MALRD1: variants seen among roughly 807,000 people sequenced by gnomAD.
MALRD1 encodes the protein MAM and LDL receptor class A domain containing 1.
A neutral mutation model predicts 242.1 loss-of-function variants in MALRD1; 247 were observed. The ratio of observed to expected loss-of-function variants is 1.02; its 90% CI spans 0.92 to 1.13. The LOEUF is 1.13. Among genes scored for constraint, MALRD1 ranks in the 50% most tolerant of loss-of-function variants. The pLI, the probability that MALRD1 is intolerant of heterozygous loss-of-function variation, is 0.00. For missense variants in MALRD1, 2,989 were observed against 2,533.1 expected (o/e 1.18, Z -3.86); for synonymous variants, 995 against 866.6 (o/e 1.15, Z -2.60).
intron 38 of MALRD1, chr10:19,722,619 A>AAAAAAAAAAAAAAAAAAAG (rs57292963): frequency 1.4e-5 from 2 of 144,478 alleles, no homozygotes; most frequent in Admixed American, 7.0e-5. Context: ...AAAAAAAAAA[A>AAAAAAAAAAAAAAAAAAAG]GGTGGAAAAA....
intron 18 of MALRD1, among the ~76,000 whole-genome samples, chr10:19,215,424 C>A (rs1037945118): frequency 3.9e-5 from 6 of 152,302 alleles, no homozygotes; most frequent in Non-Finnish European, 5.9e-5. Flanking sequence ...TTTTTCCTTG[C>A]AAATTGATAT....
At chr10:19,314,337 A>G (rs1202818069) in intron 21 of MALRD1, among the ~76,000 whole-genome samples, 2 of 151,578 alleles carry the variant, frequency 1.3e-5, no homozygotes, top group Non-Finnish European at 3.0e-5. Flanking sequence ...GGAATCTAAA[A>G]AGGCTTGAAA....
chr10:19,703,618 G>C (rs955818704), intron 38 of MALRD1, among the ~76,000 whole-genome samples: 3 of 152,224 alleles, frequency 2.0e-5, no homozygotes, highest in African/African-American at 7.2e-5. Flanking sequence ...AAATAGGTCT[G>C]GTGCAGTGGC....
At chr10:19,317,008 A>G (rs754464023) in intron 21 of MALRD1, among the ~76,000 whole-genome samples, 2 of 151,458 alleles carry the variant, frequency 1.3e-5, no homozygotes, top group Non-Finnish European at 2.9e-5. Context: ...GCCTGTACCA[A>G]AATATCTCAT....
rs549010244 is a variant in MALRD1, at chr10:19,348,931, A to G, written c.4149+913A>G. 7.9e-5 allele frequency among the ~76,000 whole-genome samples: 12 copies of G among 152,274 alleles called. No homozygotes were observed. The South Asian group carries it at 2.5e-3, about 32-fold the overall frequency. Reference sequence around the variant, plus strand: ...TGTTCCCCAATGTTTGACCTCCAAAAAGCAAACAAATTACATCCAGAAACT... The same window carrying G: ...TGTTCCCCAATGTTTGACCTCCAAAGAGCAAACAAATTACATCCAGAAACT... On this transcript the variant is annotated intron_variant, in intron 25 of 39. Transcript: ENST00000454679.
intron 18 of MALRD1, among the ~76,000 whole-genome samples, chr10:19,219,182 T>C (rs1454446465): frequency 3.2e-4 from 48 of 152,134 alleles, no homozygotes; most frequent in Non-Finnish European, 5.9e-5. Flanking sequence ...TAAGGTATAA[T>C]GGTCTCATGA....
chr10:19,191,543 A>G (rs937889815), intron 14 of MALRD1, among the ~76,000 whole-genome samples: 9 of 152,328 alleles, frequency 5.9e-5, no homozygotes, highest in African/African-American at 2.2e-4. Context: ...TTGCACACTC[A>G]TGTTCATAGA....
intron 19 of MALRD1, among the ~76,000 whole-genome samples, chr10:19,275,676 A>C (rs1840482391): frequency 6.6e-6 from 1 of 152,112 alleles, no homozygotes; most frequent in Non-Finnish European, 1.5e-5. Context: ...CTCAAAAAAT[A>C]AAAATAAAAA....
intron 26 of MALRD1, among the ~76,000 whole-genome samples, chr10:19,378,635 A>G (rs890736264): frequency 3.3e-5 from 5 of 152,094 alleles, no homozygotes; most frequent in East Asian, 1.9e-4. Flanking sequence ...ATGGTTATTT[A>G]TATTACTTGA....
intron 24 of MALRD1, among the ~76,000 whole-genome samples, chr10:19,337,590 A>G (rs1291779224): frequency 6.6e-6 from 1 of 152,006 alleles, no homozygotes; most frequent in African/African-American, 2.4e-5. Flanking sequence ...CCATTTTTTT[A>G]CAGAATTGTT....
At chr10:19,537,811 C>G (rs1834757356) in intron 32 of MALRD1, among the ~76,000 whole-genome samples, 2 of 152,124 alleles carry the variant, frequency 1.3e-5, no homozygotes, top group Admixed American at 6.5e-5. Flanking sequence ...CCTGTAGGCC[C>G]TACCTTCTAA....
In MALRD1 at chr10:19,563,651, T is replaced by C. The variant is rs117201991; in HGVS notation, c.5479-3851T>C. The stretch of plus-strand genomic sequence containing the variant: ...CAGTGCCAGTGACCTGCCTTCAACA[T>C]TGCAGGCACCAGGAGTGTTTGGAAA... On this transcript the variant is annotated intron_variant, in intron 32 of 39. Transcript: ENST00000454679. Among the ~76,000 whole-genome samples the C allele has an allele frequency of 3.9e-5, 6 of 152,296 alleles. No homozygotes were observed. In the East Asian group the frequency reaches 7.7e-4, roughly 20 times the overall value.
intron 2 of MALRD1, among the ~76,000 whole-genome samples, chr10:19,087,402 G>A (rs958475061): frequency 7.9e-5 from 12 of 151,936 alleles, no homozygotes; most frequent in Admixed American, 5.3e-4. Flanking sequence ...ATATCAGATG[G>A]TTTGCAAAAG....
chr10:19,655,375 C>T (rs1841093135), intron 36 of MALRD1, among the ~76,000 whole-genome samples: 1 of 151,540 alleles, frequency 6.6e-6, no homozygotes, highest in South Asian at 2.1e-4. Context: ...CCCAATTTCT[C>T]CATATGATTT....
At chr10:19,176,366 C>CCTTTTTTTTTTTTTTT (rs1484132630) in intron 14 of MALRD1, among the ~76,000 whole-genome samples, 2 of 87,296 alleles carry the variant, frequency 2.3e-5, no homozygotes, top group African/African-American at 8.7e-5. Context: ...TTTCTGGGTG[C>CCTTTTTTTTTTTTTTT]TTTTTTTTTT....
chr10:19,506,718 TAAAA>T (rs945707971), intron 31 of MALRD1, among the ~76,000 whole-genome samples: 1 of 152,048 alleles, frequency 6.6e-6, no homozygotes, highest in African/African-American at 2.4e-5. Context: ...ATGCCAGTAA[TAAAA>T]AAGAAGTCAT....
chr10:19,175,242 C>G lies in MALRD1; in HGVS notation c.1865C>G (p.Ala622Gly). The G allele has an allele frequency of 1.6e-6, 2 of 1,230,266 alleles. No individual in the cohort carries two copies. The highest frequency in any genetic ancestry group is 2.0e-6 in the Non-Finnish European group (2 of 987,058). 76.2% of individuals were successfully genotyped at this position (1,230,266 alleles called of 1,614,324 possible). A position where few individuals can be genotyped will look rare whatever the true frequency, so the allele number is the denominator to read the frequency against. The change falls in exon 14 of 40, where the codon GCT becomes GGT. Residue 622 changes from alanine to glycine, a missense_variant. Physicochemically the swap from Ala to Gly is moderately conservative, Grantham distance 60 (BLOSUM62 0). Transcript: ENST00000454679. ...ILEATVLSSN[A>G]TVALDDISVS... ...GAAGCTACTGTTTTGTCGTCAAATGCTACCGTTGCTCTAGATGACATCAGT... is the reference window on the plus strand; with the variant it reads ...GAAGCTACTGTTTTGTCGTCAAATGGTACCGTTGCTCTAGATGACATCAGT...
chr10:19,489,080 G>A (rs1476203516), intron 29 of MALRD1: 3 of 460,594 alleles, frequency 6.5e-6, no homozygotes, highest in East Asian at 6.9e-5. Flanking sequence ...CCGCGCACGC[G>A]CCTTTCCGGA....
At chr10:19,496,189 A>G (rs2131237385) in intron 30 of MALRD1, among the ~76,000 whole-genome samples, 1 of 152,326 alleles carries the variant, frequency 6.6e-6, no homozygotes, top group Middle Eastern at 3.4e-3. Context: ...AAAGATATTC[A>G]GGACCTGAAC....
Sources: allele counts gnomAD v4.1 joint callset (sites outside exome capture counted in the v4.1 genomes callset), GRCh38; gene constraint gnomAD v4.1.1; transcripts MANE v1.5; gene names NCBI Gene and HGNC (gene_info 2026-07-23, HGNC 2026-07-21).